The following ZNF827 variants were observed in gnomAD, a reference collection of about 807,000 sequenced individuals.
ZNF827 encodes the protein zinc finger protein 827.
Under a neutral mutation model 102.4 loss-of-function variants are expected in ZNF827, and 13 were observed. The ratio of observed to expected loss-of-function variants is 0.13; its 90% CI spans 0.08 to 0.20. The LOEUF (loss-of-function observed/expected upper bound fraction) is 0.20. ZNF827 is among the 10% of genes least tolerant of loss of function. ZNF827 has a pLI of 1.00. For synonymous variants in ZNF827, 523 were observed against 536.2 expected, an observed-to-expected ratio of 0.98 and a Z score of 0.34; for missense variants, 1,103 against 1,344.4, an observed-to-expected ratio of 0.82 and a Z score of 2.81.
intron 7 of ZNF827, among the ~76,000 whole-genome samples, chr4:145,836,114 A>G (rs941701945): frequency 1.3e-5 from 2 of 151,974 alleles, no homozygotes; most frequent in African/African-American, 4.8e-5. Context: ...ACTGCCGCAA[A>G]GCTTCACAGA....
At chr4:145,787,318 C>T (rs972410617) in intron 8 of ZNF827, among the ~76,000 whole-genome samples, 3 of 152,150 alleles carry the variant, frequency 2.0e-5, no homozygotes, top group African/African-American at 7.2e-5. Flanking sequence ...CACAAATTAG[C>T]TGAGCGTGGT....
chr4:145,902,355 G>A lies in ZNF827; in HGVS notation c.904C>T (p.Leu302Phe), dbSNP rs747845623. ...AGCAGCGATGATTTCTCAGCCAGAAGACTGCCCGCAGCCCTTGCGGCCACC... is the reference window on the plus strand; with the variant it reads ...AGCAGCGATGATTTCTCAGCCAGAAAACTGCCCGCAGCCCTTGCGGCCACC... ...KEVAARAAGS[L>F]LAEKSSLLPE... The change falls in exon 2 of 15, where the codon CTT becomes TTT. Residue 302 changes from leucine (L) to phenylalanine (F), a missense_variant. Around this residue, in one of 5 missense-constraint regions of ZNF827, gnomAD observed 441 missense variants for 458.6 expected, o/e 0.96. Transcript: ENST00000508784. This position sits in a 1 kb window ranked among gnomAD's most constrained non-coding sequence, Gnocchi z 4.3. 2.5e-6 allele frequency: 4 copies of A among 1,609,582 alleles called. No homozygotes were observed. The South Asian group carries it at 3.3e-5, about 13-fold the overall frequency.
At chr4:145,871,109 T>A (rs1383435329) in intron 4 of ZNF827, among the ~76,000 whole-genome samples, 1 of 152,192 alleles carries the variant, frequency 6.6e-6, no homozygotes, top group Non-Finnish European at 1.5e-5. Context: ...AATGGCCTTT[T>A]TTTTTTTAAA....
Position 145,845,983 on chromosome 4 carries a change from T to A in ZNF827, c.2252A>T (p.Lys751Ile). 1 of 1,614,220 alleles carries A rather than the reference T, an allele frequency of 6.2e-7. No individual in the cohort carries two copies. Among genetic ancestry groups the A allele is most frequent in the Non-Finnish European group, 8.5e-7 (1 of 1,180,038 alleles). Residue 751 changes from lysine to isoleucine, a missense_variant, in exon 7 of 15, where the codon AAA becomes ATA. Lys to Ile is a moderately radical substitution (Grantham distance 102). This residue lies in a region of ZNF827 where 243 missense variants were observed against 251.6 expected (regional missense o/e 0.97). Transcript: ENST00000508784. ...GGTCGTGGTCCGGATGGTGTTTTCT[T>A]TTGTATGATTGTGCTCTTTGCTCAC... ...EKVSKEHNHT[K>I]ENTIRTTTSP...
Position 145,761,651 on chromosome 4 carries a change from C to A in ZNF827, c.*18-53G>T. On this transcript the variant is annotated intron_variant, in intron 14 of 14. Coordinates refer to ENST00000508784, the MANE Select transcript of ZNF827 (RefSeq NM_001306215.2). The surrounding 1 kb of genome is among the most constrained non-coding windows in gnomAD (Gnocchi z 6.8). ...TTCAGCCGGGAAGGTTCGGAGGCAGCCGCGCTTCTCGCCGCCTCACCAGCC... is the reference window on the plus strand; with the variant it reads ...TTCAGCCGGGAAGGTTCGGAGGCAGACGCGCTTCTCGCCGCCTCACCAGCC... 2 of 1,114,994 alleles carry A rather than the reference C, an allele frequency of 1.8e-6. No individual in the cohort carries two copies. The highest frequency in any genetic ancestry group is 3.0e-5 in the South Asian group (2 of 67,484). 69.1% of individuals were successfully genotyped at this position (1,114,994 alleles called of 1,614,324 possible).
chr4:145,848,571 A>G (rs536567468), intron 6 of ZNF827, among the ~76,000 whole-genome samples: 1 of 152,314 alleles, frequency 6.6e-6, no homozygotes, highest in South Asian at 2.1e-4. Context: ...AGGTATTTGT[A>G]TGTATTTCTA....
At chr4:145,819,982 C>T (rs544176181) in intron 8 of ZNF827, 9 of 152,380 alleles carry the variant, frequency 5.9e-5, no homozygotes, top group South Asian at 4.1e-4. Flanking sequence ...TGCCATCTGC[C>T]GAAGGCAAAT....
intron 8 of ZNF827, among the ~76,000 whole-genome samples, chr4:145,815,389 T>C (rs985693316): frequency 5.3e-5 from 8 of 152,126 alleles, no homozygotes; most frequent in African/African-American, 1.9e-4. Flanking sequence ...TGAGAGAGAA[T>C]AGCAGAAAAT....
At chr4:145,800,516 C>T (rs1740790309) in intron 8 of ZNF827, among the ~76,000 whole-genome samples, 1 of 152,148 alleles carries the variant, frequency 6.6e-6, no homozygotes, top group African/African-American at 2.4e-5. Context: ...CTCAAGCGAT[C>T]CACCTGCCTC....
In ZNF827 at chr4:145,903,212, A is replaced by C; in HGVS notation, c.47T>G (p.Val16Gly). 1 of 1,603,726 alleles carries C rather than the reference A, an allele frequency of 6.2e-7. No homozygotes were observed. Among genetic ancestry groups the C allele is most frequent in the Non-Finnish European group, 8.5e-7 (1 of 1,173,118 alleles). ...TCCCTCCGCCTCTTCCTGCCTACTA[A>C]CATCTGGGGAGAATTAAGAAGATCA... The part of the protein sequence containing the change: ...QEQPKRLPSH[V>G]SRQEEAEGEL... The change falls in exon 2 of 15, where the codon GTT becomes GGT. Residue 16 changes from valine to glycine, a missense_variant. Transcript: ENST00000508784.
At chr4:145,852,310 GA>G (rs1199570830) in intron 5 of ZNF827, among the ~76,000 whole-genome samples, 1 of 152,178 alleles carries the variant, frequency 6.6e-6, no homozygotes, top group Admixed American at 6.5e-5. Flanking sequence ...TAAATTTAAT[GA>G]AATTAGTTTT....
intron 1 of ZNF827, among the ~76,000 whole-genome samples, chr4:145,934,331 C>T (rs1486796433): frequency 2.0e-5 from 3 of 152,128 alleles, no homozygotes; most frequent in African/African-American, 7.2e-5. Flanking sequence ...GTATAAGGCC[C>T]ATATAACAAA....
At chr4:145,875,508 G>A (rs1331047629) in intron 4 of ZNF827, among the ~76,000 whole-genome samples, 1 of 152,208 alleles carries the variant, frequency 6.6e-6, no homozygotes, top group East Asian at 1.9e-4. Flanking sequence ...CTGTTCATGA[G>A]AAAGGGAAGG....
chr4:145,937,059 G>A (rs1171828512), intron 1 of ZNF827, among the ~76,000 whole-genome samples: 1 of 152,152 alleles, frequency 6.6e-6, no homozygotes, highest in Non-Finnish European at 1.5e-5. Context: ...GCGGCCCCGG[G>A]GGATATTTTT....
At chr4:145,899,765 G>A (rs1403716910) in intron 2 of ZNF827, among the ~76,000 whole-genome samples, 8 of 152,202 alleles carry the variant, frequency 5.3e-5, no homozygotes, top group Admixed American at 5.2e-4. Context: ...AGACTGAACA[G>A]AGGCATGTTG....
intron 5 of ZNF827, among the ~76,000 whole-genome samples, 181 bp downstream of exon 5, chr4:145,870,064 T>C (rs934095225): frequency 2.0e-5 from 3 of 152,230 alleles, no homozygotes; most frequent in African/African-American, 7.2e-5. Flanking sequence ...ACAGCTAATA[T>C]ACACAAACAA....
chr4:145,824,693 G>A (rs1743492183), intron 7 of ZNF827, among the ~76,000 whole-genome samples: 1 of 152,044 alleles, frequency 6.6e-6, no homozygotes, highest in Admixed American at 6.5e-5. Flanking sequence ...TGGAAGGCAG[G>A]GAAACGCAGC....
intron 9 of ZNF827, among the ~76,000 whole-genome samples, chr4:145,778,613 G>A (rs990045044): frequency 6.6e-6 from 1 of 151,782 alleles, no homozygotes; most frequent in Non-Finnish European, 1.5e-5. Flanking sequence ...CCCTATCTTG[G>A]GGGAAAAAAA....
At chr4:145,884,041 G>A (rs1432204684) in intron 4 of ZNF827, among the ~76,000 whole-genome samples, 1 of 152,172 alleles carries the variant, frequency 6.6e-6, no homozygotes, top group Non-Finnish European at 1.5e-5. Context: ...TGGAATAGAG[G>A]AGGGAGAAGT....
Sources: gnomAD v4.1 joint callset for allele counts (sites outside exome capture counted in the v4.1 genomes callset) on GRCh38, gnomAD v4.1.1 for gene constraint, gnomAD v4.1.1 regional missense constraint, Gnocchi (gnomAD v3.1) non-coding constraint, MANE v1.5 for transcripts, NCBI Gene and HGNC (gene_info 2026-07-23, HGNC 2026-07-21) for gene names.